MARCHF1: variants seen among roughly 807,000 people sequenced by gnomAD.
MARCHF1 encodes the protein membrane associated ring-CH-type finger 1.
A neutral mutation model predicts 54.2 loss-of-function variants in MARCHF1; 40 were observed. The ratio of observed to expected loss-of-function variants is 0.74; its 90% CI spans 0.57 to 0.96. The LOEUF is 0.96. Among genes scored for constraint, MARCHF1 ranks in the 40% least tolerant of loss-of-function variants. The probability of loss-of-function intolerance (pLI) is 0.00; values close to 1 mark genes in which losing one functional copy is unlikely to be tolerated. For missense variants in MARCHF1, 586 were observed against 656.5 expected (o/e 0.89, Z 1.17); for synonymous variants, 236 against 236.3 (o/e 1.00, Z 0.01).
At chr4:163,790,146 A>AT (rs1460951497) in intron 4 of MARCHF1, among the ~76,000 whole-genome samples, 3 of 152,130 alleles carry the variant, frequency 2.0e-5, no homozygotes, top group Non-Finnish European at 2.9e-5. Flanking sequence ...AGTGGCAGTC[A>AT]TATGAGAAAG....
At chr4:163,579,388 T>C (rs1452550189) in intron 8 of MARCHF1, among the ~76,000 whole-genome samples, 1 of 152,156 alleles carries the variant, frequency 6.6e-6, no homozygotes, top group Admixed American at 6.5e-5. Context: ...CAAGTTGAAA[T>C]ATTTTTCTTT....
intron 4 of MARCHF1, among the ~76,000 whole-genome samples, chr4:163,724,190 A>T (rs1745575545): frequency 6.6e-6 from 1 of 152,186 alleles, no homozygotes; most frequent in African/African-American, 2.4e-5. Context: ...GGTGATGTGC[A>T]GATGGGGTTT....
chr4:163,929,955 T>TTATTATATATATTA (rs1553963995), intron 3 of MARCHF1, among the ~76,000 whole-genome samples: 1 of 81,428 alleles, frequency 1.2e-5, no homozygotes, highest in African/African-American at 5.7e-5. Context: ...ATTATATATA[T>TTATTATATATATTA]TATATATAAT....
chr4:163,935,145 G>C (rs937940606), intron 3 of MARCHF1, among the ~76,000 whole-genome samples: 2 of 152,048 alleles, frequency 1.3e-5, no homozygotes, highest in African/African-American at 4.8e-5. Flanking sequence ...TTAATATAAA[G>C]TGTACAAGCA....
chr4:163,998,066 A>T (rs999961262), intron 2 of MARCHF1, among the ~76,000 whole-genome samples: 16 of 151,556 alleles, frequency 1.1e-4, no homozygotes, highest in Non-Finnish European at 2.1e-4. Flanking sequence ...CACAGAGAAA[A>T]AAAAATTCAA....
At chr4:164,114,222 ATTG>A (rs1755893818) in intron 1 of MARCHF1, among the ~76,000 whole-genome samples, 1 of 152,016 alleles carries the variant, frequency 6.6e-6, no homozygotes, top group African/African-American at 2.4e-5. Context: ...CAACTAATCT[ATTG>A]TTATATGTAT....
chr4:164,304,379 A>G (rs1579704841), intron 1 of MARCHF1, among the ~76,000 whole-genome samples: 1 of 152,192 alleles, frequency 6.6e-6, no homozygotes, highest in East Asian at 1.9e-4. Flanking sequence ...TACATTCACT[A>G]CAAGTGCATT....
intron 1 of MARCHF1, among the ~76,000 whole-genome samples, chr4:164,290,509 T>A (rs538121053): frequency 5.1e-4 from 77 of 151,844 alleles, no homozygotes; most frequent in African/African-American, 1.8e-3. Flanking sequence ...TAAATGAGAA[T>A]CATAAATGGA....
intron 1 of MARCHF1, among the ~76,000 whole-genome samples, chr4:164,275,674 A>G (rs1483698910): frequency 1.4e-5 from 2 of 146,340 alleles, no homozygotes; most frequent in Admixed American, 7.2e-5. Flanking sequence ...TTGTTAATGT[A>G]TAAGAGATGT....
At chr4:164,000,013 G>A (rs893387206) in intron 2 of MARCHF1, among the ~76,000 whole-genome samples, 4 of 151,708 alleles carry the variant, frequency 2.6e-5, no homozygotes, top group Admixed American at 2.0e-4. Flanking sequence ...GTGATAATCA[G>A]ATTGATCATG....
At chr4:163,807,309 T>C (rs1748254472) in intron 4 of MARCHF1, among the ~76,000 whole-genome samples, 2 of 152,230 alleles carry the variant, frequency 1.3e-5, no homozygotes, top group South Asian at 2.1e-4. Context: ...CAAATGTTTA[T>C]ATACTGTGTA....
chr4:163,698,649 G>A (rs1005217294), intron 5 of MARCHF1, among the ~76,000 whole-genome samples: 1 of 151,902 alleles, frequency 6.6e-6, no homozygotes, highest in African/African-American at 2.4e-5. Flanking sequence ...AGGGAAACTA[G>A]ACTGTGGATT....
At chr4:164,290,495 T>G (rs892942101) in intron 1 of MARCHF1, among the ~76,000 whole-genome samples, 1 of 151,906 alleles carries the variant, frequency 6.6e-6, no homozygotes, top group Non-Finnish European at 1.5e-5. Flanking sequence ...TTTGGTGATG[T>G]CACTAAATGA....
At chr4:163,961,557 T>C (rs577897931) in intron 3 of MARCHF1, among the ~76,000 whole-genome samples, 2 of 151,894 alleles carry the variant, frequency 1.3e-5, no homozygotes, top group Non-Finnish European at 2.9e-5. Flanking sequence ...CCTTTTCACG[T>C]GCTACCCTTC....
At chr4:164,117,374 T>A (rs2110756438) in intron 1 of MARCHF1, among the ~76,000 whole-genome samples, 1 of 152,186 alleles carries the variant, frequency 6.6e-6, no homozygotes, top group East Asian at 1.9e-4. Flanking sequence ...TTATCCCTTT[T>A]TAATGGAAAT....
At chr4:164,293,672 C>T (rs1395104876) in intron 1 of MARCHF1, among the ~76,000 whole-genome samples, 2 of 152,146 alleles carry the variant, frequency 1.3e-5, no homozygotes, top group African/African-American at 4.8e-5. Flanking sequence ...GATTAAGAAT[C>T]GCAATAGCTA....
intron 5 of MARCHF1, among the ~76,000 whole-genome samples, chr4:163,677,144 T>C (rs1743945337): frequency 1.3e-5 from 2 of 152,234 alleles, no homozygotes; most frequent in Admixed American, 6.5e-5. Flanking sequence ...TGAGATTTTA[T>C]ACACTCCTGT....
At chr4:163,678,763 T>C (rs983021742) in intron 5 of MARCHF1, among the ~76,000 whole-genome samples, 4 of 152,236 alleles carry the variant, frequency 2.6e-5, no homozygotes, top group African/African-American at 9.6e-5. Flanking sequence ...TATTGGATTC[T>C]TGGAATTATG....
intron 1 of MARCHF1, among the ~76,000 whole-genome samples, chr4:164,356,581 A>C (rs1235267193): frequency 1.4e-5 from 2 of 139,296 alleles, no homozygotes; most frequent in African/African-American, 5.2e-5. Context: ...TCACATGGAC[A>C]CATGAAGGGG....
Sources: allele counts gnomAD v4.1 joint callset (sites outside exome capture counted in the v4.1 genomes callset), GRCh38; gene constraint gnomAD v4.1.1; transcripts MANE v1.5; gene names NCBI Gene and HGNC (gene_info 2026-07-23, HGNC 2026-07-21).